CDK15: variants seen among roughly 807,000 people sequenced by gnomAD.
CDK15 encodes cyclin dependent kinase 15, also known as cyclin-dependent kinase 15.
A neutral mutation model predicts 60.3 loss-of-function variants in CDK15; 62 were observed. The observed-to-expected ratio is 1.03, with a 90% CI of 0.84 to 1.27. CDK15 has a LOEUF of 1.27. Ranked by LOEUF, CDK15 falls within the 50% of genes most tolerant of loss-of-function variation. CDK15 has a pLI of 0.00. For synonymous variants in CDK15, 194 were observed against 195.7 expected (o/e 0.99, Z 0.07); for missense variants, 541 against 527.8 (o/e 1.03, Z -0.25).
At chr2:201,888,332 C>A in intron 12 of CDK15, 1 of 1,371,502 alleles carries the variant, frequency 7.3e-7, no homozygotes, top group Non-Finnish European at 9.5e-7. Context: ...TTATCTCGTT[C>A]CGAAATGATC....
intron 8 of CDK15, among the ~76,000 whole-genome samples, chr2:201,839,395 A>G (rs1194732346): frequency 6.6e-6 from 1 of 152,140 alleles, no homozygotes; most frequent in Admixed American, 6.5e-5. Context: ...GACTCCAGAA[A>G]CCTGCCAACT....
intron 3 of CDK15, among the ~76,000 whole-genome samples, chr2:201,812,173 C>CAAAAAAAAAAAAAAAAAAAA (rs56808760): frequency 1.0e-5 from 1 of 96,816 alleles, no homozygotes; most frequent in Non-Finnish European, 2.2e-5. Flanking sequence ...GATTCTGTCT[C>CAAAAAAAAAAAAAAAAAAAA]AAAAAAAAAA....
At position 201,869,270 on chromosome 2, in the gene CDK15, A is replaced by C. The variant is rs370168751; in HGVS notation, c.1010-3008A>C. ...TGGAAACCATCATTCTGAGCAAACT[A>C]TCGCAAGGACAGAAAACCAAACACC... On this transcript the variant is annotated intron_variant, in intron 10 of 13. Transcript: ENST00000652192. 4.6e-5 allele frequency among the ~76,000 whole-genome samples: 7 copies of C among 151,970 alleles called. No homozygotes were observed. In the South Asian group the frequency reaches 8.3e-4, roughly 18 times the overall value.
intron 8 of CDK15, among the ~76,000 whole-genome samples, chr2:201,837,072 T>G (rs945353136): frequency 6.6e-6 from 1 of 151,930 alleles, no homozygotes; most frequent in African/African-American, 2.4e-5. Flanking sequence ...GGCTGGAGGA[T>G]CGATTGCTTC....
At chr2:201,808,878 A>T (rs1315444418) in intron 3 of CDK15, 1 of 151,448 alleles carries the variant, frequency 6.6e-6, no homozygotes, top group African/African-American at 2.4e-5. Context: ...ACTTGTTAAA[A>T]CAGGATTGTA....
chr2:201,834,214 C>G (rs371972819), intron 7 of CDK15, among the ~76,000 whole-genome samples: 1 of 152,112 alleles, frequency 6.6e-6, no homozygotes, highest in African/African-American at 2.4e-5. Context: ...CCTTGCTGCC[C>G]CACTGCCAGT....
At chr2:201,856,395 A>G (rs1698145410) in intron 10 of CDK15, among the ~76,000 whole-genome samples, 1 of 152,210 alleles carries the variant, frequency 6.6e-6, no homozygotes, top group African/African-American at 2.4e-5. Context: ...GAATGGTTAT[A>G]TCTATTGCTA....
rs560733922 is a variant in CDK15 at position 201,883,097 on chromosome 2, C to A, written c.1198+2930C>A. On this transcript the variant is annotated intron_variant, in intron 12 of 13. Coordinates refer to ENST00000652192, the MANE Select transcript of CDK15 (RefSeq NM_001366386.2). The stretch of plus-strand genomic sequence containing the variant: ...GTGATTTGTAAGGAGAGTTTCTCTG[C>A]CATAATTATGCAAGAAATTTTGCTC... Among the ~76,000 whole-genome samples, 4 of 152,286 alleles carry A rather than the reference C, an allele frequency of 2.6e-5. No homozygotes were observed. The South Asian group carries it at 8.3e-4, about 32-fold the overall frequency.
At chr2:201,871,899 G>C (rs758789818) in intron 10 of CDK15, among the ~76,000 whole-genome samples, 3 of 151,930 alleles carry the variant, frequency 2.0e-5, no homozygotes, top group African/African-American at 7.3e-5. Context: ...TCTGACGCAC[G>C]TCTATTTCTG....
chr2:201,854,194 A>T (rs911341046), intron 9 of CDK15, among the ~76,000 whole-genome samples: 3 of 152,178 alleles, frequency 2.0e-5, no homozygotes, highest in Admixed American at 1.3e-4. Flanking sequence ...AACATCGGTA[A>T]TTCAAAGCAT....
intron 3 of CDK15, 74 bp downstream of exon 3, chr2:201,808,026 G>C: frequency 7.7e-7 from 1 of 1,301,912 alleles, no homozygotes; most frequent in Non-Finnish European, 1.1e-6. Context: ...ATAAAGCCAG[G>C]TGAGACATCA....
chr2:201,815,362 T>C (rs531924848), intron 4 of CDK15, among the ~76,000 whole-genome samples: 194 of 152,198 alleles, frequency 1.3e-3, no homozygotes, highest in Non-Finnish European at 2.4e-3. Context: ...ATAGGCTTTC[T>C]ACGCACCCAC....
chr2:201,883,871 G>A (rs747228351), intron 12 of CDK15, among the ~76,000 whole-genome samples: 2 of 152,174 alleles, frequency 1.3e-5, no homozygotes, highest in Non-Finnish European at 2.9e-5. Flanking sequence ...TGCAGGTTCA[G>A]CTTCTTCATT....
intron 8 of CDK15, among the ~76,000 whole-genome samples, chr2:201,842,051 A>T (rs1697411843): frequency 6.6e-6 from 1 of 152,214 alleles, no homozygotes; most frequent in Non-Finnish European, 1.5e-5. Context: ...CATTCAGTAC[A>T]TTCACATTGT....
At position 201,890,874 on chromosome 2, in the gene CDK15, C is replaced by T; in HGVS notation, c.1288C>T (p.Gln430Ter). ...CTACCAGAAAGGTCACCACCCAGCC[C>T]AGTTTAGCAAATGCTGGTGAAAAGA... The part of the protein sequence containing the change: ...ASYQKGHHPA[Q>*]FSKCW Residue 430 changes from glutamine to a stop codon, truncating the protein, a stop_gained, in exon 13 of 14, where the codon CAG (glutamine) becomes TAG (stop). Coordinates refer to ENST00000652192, the MANE Select transcript of CDK15 (RefSeq NM_001366386.2). LOFTEE classifies it high-confidence loss of function. 6 of 1,613,356 alleles carry T rather than the reference C, an allele frequency of 3.7e-6. No homozygotes were observed. The highest frequency in any genetic ancestry group is 5.1e-6 in the Non-Finnish European group (6 of 1,179,528).
chr2:201,858,749 C>T (rs1023139385), intron 10 of CDK15, among the ~76,000 whole-genome samples: 1 of 151,890 alleles, frequency 6.6e-6, no homozygotes. Flanking sequence ...TGCAGAGTAC[C>T]CAGTGTCTTG....
Position 201,861,933 on chromosome 2 carries a change from A to G in CDK15, c.1009+6996A>G, listed in dbSNP as rs79315097. Among the ~76,000 whole-genome samples, 1,460 of 152,270 alleles carry G rather than the reference A, an allele frequency of 9.6e-3. 10 individuals carry two copies. The highest frequency in any genetic ancestry group is 0.015 in the Non-Finnish European group (991 of 68,022). ...GTTCAGACCCAGTGACAGGTGTGTG[A>G]GAACTGATGCTATCTCTGCTCCCTT... On this transcript the variant is annotated intron_variant, in intron 10 of 13. Transcript: ENST00000652192.
intron 11 of CDK15, among the ~76,000 whole-genome samples, chr2:201,876,043 G>C (rs1447576626): frequency 6.6e-6 from 1 of 152,204 alleles, no homozygotes; most frequent in Non-Finnish European, 1.5e-5. Flanking sequence ...ATGTTTGGTA[G>C]TTAACATCAC....
In CDK15 at chr2:201,880,549, C is replaced by T. The variant is rs797002287; in HGVS notation, c.1198+382C>T. Among the ~76,000 whole-genome samples, 33 of 152,262 alleles carry T rather than the reference C, an allele frequency of 2.2e-4. 1 individual carries two copies. Among genetic ancestry groups the T allele is most frequent in the African/African-American group, 6.7e-4 (28 of 41,550 alleles). ...CTAACAAGACTCTTCTCCCTTTCTG[C>T]GGAGAGTAAGATGATAGGTGAAGCG... is the stretch of plus-strand genomic sequence containing the variant. On this transcript the variant is annotated intron_variant, in intron 12 of 13. Transcript: ENST00000652192.
Sources: gnomAD v4.1 joint callset for allele counts (sites outside exome capture counted in the v4.1 genomes callset) on GRCh38, gnomAD v4.1.1 for gene constraint, MANE v1.5 for transcripts, NCBI Gene and HGNC (gene_info 2026-07-23, HGNC 2026-07-21) for gene names.